Variants in ZDHHC20 observed in about 807,000 individuals in gnomAD.
ZDHHC20 encodes the protein palmitoyltransferase ZDHHC20.
In ZDHHC20, 43 loss-of-function variants were observed where a neutral mutation model predicts 57.8. The observed-to-expected ratio is 0.74, with a 90% CI of 0.58 to 0.96. ZDHHC20 has a LOEUF of 0.96. Among genes scored for constraint, ZDHHC20 ranks in the 40% least tolerant of loss-of-function variants. The pLI is 0.00. For missense variants in ZDHHC20, 391 were observed against 441.1 expected, an observed-to-expected ratio of 0.89 and a Z score of 1.02; for synonymous variants, 157 against 153.0, an observed-to-expected ratio of 1.03 and a Z score of -0.19.
intron 10 of ZDHHC20, 49 bp downstream of exon 10, chr13:21,382,871 C>G: frequency 2.1e-6 from 3 of 1,421,650 alleles, no homozygotes; most frequent in South Asian, 2.5e-5. Context: ...CACATGTATA[C>G]GGTTTGCTTT....
In ZDHHC20 at chr13:21,374,081, G is replaced by A. The variant is rs1871624507; in HGVS notation, c.*2615C>T. On this transcript the variant is annotated 3_prime_UTR_variant, in exon 13 of 13. Coordinates refer to ENST00000400590, the MANE Select transcript of ZDHHC20 (RefSeq NM_001330059.2). ...AATGAAGTTCCCTTGGCGTTAGCCAGGTGCATGCAAATCTTTTTATCTGAA... is the reference window on the plus strand; with the variant it reads ...AATGAAGTTCCCTTGGCGTTAGCCAAGTGCATGCAAATCTTTTTATCTGAA... 6.4e-6 allele frequency: 1 copy of A among 157,478 alleles called. No homozygotes were observed. Among genetic ancestry groups the A allele is most frequent in the African/African-American group, 2.4e-5 (1 of 41,684 alleles). The allele number at this position is 157,478 out of a possible 1,614,324, so 9.8% of individuals were successfully genotyped here.
intron 1 of ZDHHC20, among the ~76,000 whole-genome samples, chr13:21,427,842 A>T (rs1212523077): frequency 6.6e-6 from 1 of 151,612 alleles, no homozygotes. Flanking sequence ...TTCAAAAAAA[A>T]AAAAAAAAAA....
chr13:21,397,609 C>T (rs112354747), intron 7 of ZDHHC20, among the ~76,000 whole-genome samples: 2,687 of 151,872 alleles, frequency 0.018, 72 homozygotes, highest in African/African-American at 0.062. Flanking sequence ...TGCAGTGAGC[C>T]GTGATCGCAC....
At chr13:21,442,463 CT>C (rs1883272809) in intron 1 of ZDHHC20, among the ~76,000 whole-genome samples, 1 of 152,146 alleles carries the variant, frequency 6.6e-6, no homozygotes, top group Admixed American at 6.6e-5. Flanking sequence ...GTTTTAAAAA[CT>C]TTTGACGTGG....
At chr13:21,406,894 C>T (rs1878521832) in intron 4 of ZDHHC20, among the ~76,000 whole-genome samples, 2 of 152,114 alleles carry the variant, frequency 1.3e-5, no homozygotes, top group South Asian at 2.1e-4. Context: ...TGGGTATATA[C>T]CCAGTAATAG....
intron 1 of ZDHHC20, among the ~76,000 whole-genome samples, chr13:21,436,294 T>G (rs1364371108): frequency 6.6e-6 from 1 of 152,238 alleles, no homozygotes; most frequent in Non-Finnish European, 1.5e-5. Flanking sequence ...GTGACATTCT[T>G]GCTGAAAATA....
Position 21,378,750 on chromosome 13 carries a change from T to C in ZDHHC20, c.1061-12A>G, listed in dbSNP as rs752394047. On this transcript the variant is annotated splice_polypyrimidine_tract_variant and intron_variant, in intron 11 of 12. Transcript: ENST00000400590. ...ATGGTTATTTGTCCCTGTAAGCATA[T>C]AATTATATATGACATGACAAAAAAA... 7.7e-7 allele frequency: 1 copy of C among 1,302,722 alleles called. No homozygotes were observed. The highest frequency in any genetic ancestry group is 1.8e-5 in the South Asian group (1 of 54,398). 80.7% of individuals were successfully genotyped at this position (1,302,722 alleles called of 1,614,324 possible).
chr13:21,427,094 C>G (rs1881354769), intron 1 of ZDHHC20, among the ~76,000 whole-genome samples: 1 of 152,150 alleles, frequency 6.6e-6, no homozygotes, highest in Admixed American at 6.5e-5. Flanking sequence ...GTAGATCACT[C>G]CTTTATATCA....
intron 1 of ZDHHC20, among the ~76,000 whole-genome samples, chr13:21,456,064 T>C (rs1449472001): frequency 6.6e-6 from 1 of 152,166 alleles, no homozygotes; most frequent in Non-Finnish European, 1.5e-5. Flanking sequence ...TGTAAAGATA[T>C]AATTATGATC....
chr13:21,458,416 T>C (rs982515803), intron 1 of ZDHHC20, among the ~76,000 whole-genome samples: 5 of 152,158 alleles, frequency 3.3e-5, no homozygotes, highest in Non-Finnish European at 5.9e-5. Context: ...ATTCTTTCTG[T>C]CTTAACCTTC....
chr13:21,404,644 C>T (rs1212323856), intron 4 of ZDHHC20, among the ~76,000 whole-genome samples: 1 of 151,814 alleles, frequency 6.6e-6, no homozygotes, highest in Admixed American at 6.6e-5. Context: ...GTCCCAGCTA[C>T]TCGGGAGGCT....
At position 21,407,048 on chromosome 13, in the gene ZDHHC20, GC is replaced by G. The variant is rs533875354; in HGVS notation, c.371-4183del. Among the ~76,000 whole-genome samples, 832 of 152,240 alleles carry G rather than the reference GC, an allele frequency of 5.5e-3. 7 individuals are homozygous for G. Among genetic ancestry groups the G allele is most frequent in the African/African-American group, 0.019 (797 of 41,538 alleles). On this transcript the variant is annotated intron_variant, in intron 4 of 12. Transcript: ENST00000400590. ...TTGTCACCCAGGCTGGAGTGCAGTG[GC>G]GTGATCTCAGCTCACTGCAACCTCC...
intron 1 of ZDHHC20, among the ~76,000 whole-genome samples, chr13:21,432,917 T>C (rs1882138167): frequency 6.6e-6 from 1 of 152,256 alleles, no homozygotes; most frequent in Admixed American, 6.5e-5. Flanking sequence ...AATTTTCTTA[T>C]GGGAATCAAC....
intron 7 of ZDHHC20, among the ~76,000 whole-genome samples, chr13:21,393,147 AC>A (rs1435433830): frequency 6.6e-6 from 1 of 152,052 alleles, no homozygotes; most frequent in Non-Finnish European, 1.5e-5. Flanking sequence ...GAAAAAATAG[AC>A]AAGAACATGT....
At chr13:21,422,167 T>A (rs1391075071) in intron 2 of ZDHHC20, among the ~76,000 whole-genome samples, 3 of 152,022 alleles carry the variant, frequency 2.0e-5, no homozygotes, top group Non-Finnish European at 4.4e-5. Context: ...CCAGGTATTT[T>A]AATGATTTTC....
intron 4 of ZDHHC20, among the ~76,000 whole-genome samples, chr13:21,413,286 C>G (rs1480958415): frequency 1.3e-5 from 2 of 152,002 alleles, no homozygotes; most frequent in Non-Finnish European, 2.9e-5. Flanking sequence ...TCTTAGCACA[C>G]TTTTGGATTT....
intron 8 of ZDHHC20, among the ~76,000 whole-genome samples, chr13:21,389,019 C>G (rs1289811190): frequency 6.6e-6 from 1 of 152,064 alleles, no homozygotes; most frequent in Non-Finnish European, 1.5e-5. Context: ...CAGAATACAG[C>G]AAATAGAGAA....
At chr13:21,439,517 T>A (rs1272066761) in intron 1 of ZDHHC20, among the ~76,000 whole-genome samples, 1 of 151,844 alleles carries the variant, frequency 6.6e-6, no homozygotes, top group Non-Finnish European at 1.5e-5. Context: ...TGATACCCTG[T>A]CTCAAAACAA....
At chr13:21,426,221 T>G (rs1470527464) in intron 1 of ZDHHC20, among the ~76,000 whole-genome samples, 1 of 152,230 alleles carries the variant, frequency 6.6e-6, no homozygotes, top group East Asian at 1.9e-4. Flanking sequence ...TATGTTTTCT[T>G]CCACCTTGTA....
Sources: gnomAD v4.1 joint callset for allele counts (sites outside exome capture counted in the v4.1 genomes callset) on GRCh38, gnomAD v4.1.1 for gene constraint, MANE v1.5 for transcripts, NCBI Gene and HGNC (gene_info 2026-07-23, HGNC 2026-07-21) for gene names.